Variants in PTPRA observed in about 807,000 individuals in gnomAD.
PTPRA encodes the protein receptor-type tyrosine-protein phosphatase alpha.
Under a neutral mutation model 104.8 loss-of-function variants are expected in PTPRA, and 25 were observed. The ratio of observed to expected loss-of-function variants is 0.24; its 90% CI spans 0.17 to 0.33. PTPRA has a LOEUF of 0.33. PTPRA is among the 10% of genes least tolerant of loss of function. PTPRA has a pLI of 1.00. For missense variants in PTPRA, 765 were observed against 1,015.3 expected, an observed-to-expected ratio of 0.75 and a Z score of 3.35; for synonymous variants, 323 against 368.9, an observed-to-expected ratio of 0.88 and a Z score of 1.43.
chr20:2,972,920 A>C (rs2062252387), intron 5 of PTPRA, among the ~76,000 whole-genome samples: 1 of 151,726 alleles, frequency 6.6e-6, no homozygotes, highest in African/African-American at 2.4e-5. Context: ...GGGTTTCGCC[A>C]TGTTGCCCAG....
At chr20:2,989,791 G>A (rs1255814040) in intron 9 of PTPRA, among the ~76,000 whole-genome samples, 2 of 152,186 alleles carry the variant, frequency 1.3e-5, no homozygotes, top group African/African-American at 4.8e-5. Context: ...GCCAAGGCGG[G>A]CGGATCACAA....
Position 3,017,759 on chromosome 20 carries a change from C to A in PTPRA, c.944-57C>A, listed in dbSNP as rs535881326. ...AGTCAGGAATGGATGTTCCCAGCCT[C>A]CCAGCATCTTTCTTCTTGGTGTATA... On this transcript the variant is annotated intron_variant, in intron 12 of 23. Transcript: ENST00000399903. 31 of 1,483,682 alleles carry A rather than the reference C, an allele frequency of 2.1e-5. No individual in the cohort carries two copies. The South Asian group carries it at 3.4e-4, about 16-fold the overall frequency. 91.9% of individuals were successfully genotyped at this position (1,483,682 alleles called of 1,614,324 possible). A position where few individuals can be genotyped will look rare whatever the true frequency, so the allele number is the denominator to read the frequency against.
intron 16 of PTPRA, among the ~76,000 whole-genome samples, chr20:3,023,683 C>T (rs1333200295): frequency 6.6e-6 from 1 of 152,222 alleles, no homozygotes; most frequent in Non-Finnish European, 1.5e-5. Context: ...AGTCCTGCCA[C>T]ATCCCCTTAG....
chr20:2,988,657 C>A (rs1568683737), intron 9 of PTPRA, among the ~76,000 whole-genome samples, 183 bp downstream of exon 9: 1 of 152,172 alleles, frequency 6.6e-6, no homozygotes, highest in East Asian at 1.9e-4. Flanking sequence ...TGAGATTTGC[C>A]TCACCTCCCT....
At chr20:3,021,271 G>A (rs372808667) in intron 13 of PTPRA, 38 bp from the exon 14 acceptor site, 20 of 1,612,670 alleles carry the variant, frequency 1.2e-5, no homozygotes, top group Admixed American at 1.7e-5. Flanking sequence ...ATGGGCAGGA[G>A]GTCTAAGGTC....
intron 19 of PTPRA, 44 bp downstream of exon 19, chr20:3,027,241 G>C: frequency 3.2e-6 from 5 of 1,574,566 alleles, no homozygotes; most frequent in Non-Finnish European, 4.4e-6. Context: ...ACCCCGTGGA[G>C]ATTCAGCCAG....
At chr20:2,940,312 C>T (rs2060862637) in intron 2 of PTPRA, among the ~76,000 whole-genome samples, 3 of 150,182 alleles carry the variant, frequency 2.0e-5, no homozygotes, top group South Asian at 4.2e-4. Context: ...ATCTTGTTTT[C>T]TTTTCTTTTC....
chr20:2,905,638 C>T (rs2059395580), intron 1 of PTPRA, among the ~76,000 whole-genome samples: 1 of 148,474 alleles, frequency 6.7e-6, no homozygotes, highest in African/African-American at 2.5e-5. Context: ...TACTGTCTTA[C>T]TAATTGTGGG....
rs561843 is a variant in PTPRA, at chr20:3,037,028, T to G, written c.2199-126T>G. The G allele has an allele frequency of 0.55, 731,807 of 1,335,336 alleles. 206,603 individuals are homozygous for G. The highest frequency in any genetic ancestry group is 0.92 in the East Asian group (39,026 of 42,500). The allele number at this position is 1,335,336 out of a possible 1,614,324, so 82.7% of individuals were successfully genotyped here. A position where few individuals can be genotyped will look rare whatever the true frequency, so the allele number is the denominator to read the frequency against. On this transcript the variant is annotated intron_variant, in intron 22 of 23. Coordinates refer to ENST00000399903, the MANE Select transcript of PTPRA (RefSeq NM_001385305.1). The surrounding 1 kb of genome is among the most constrained non-coding windows in gnomAD (Gnocchi z 4.3). ...CCGACCCAGAACCCCTCCAGGCTGG[T>G]GGGTCCACAGGGCAAAGGCGAGCAC... is the stretch of plus-strand genomic sequence containing the variant.
intron 13 of PTPRA, among the ~76,000 whole-genome samples, chr20:3,020,110 G>A (rs1293118739): frequency 6.6e-6 from 1 of 151,364 alleles, no homozygotes; most frequent in African/African-American, 2.4e-5. Context: ...AGGGAGAGCT[G>A]TTTTGTTTTG....
At chr20:2,993,492 G>A (rs1475881303) in intron 9 of PTPRA, among the ~76,000 whole-genome samples, 1 of 152,214 alleles carries the variant, frequency 6.6e-6, no homozygotes, top group Non-Finnish European at 1.5e-5. Flanking sequence ...AGGTCAAGAT[G>A]ATTTATCACT....
chr20:2,997,918 G>A (rs964854441), intron 9 of PTPRA, among the ~76,000 whole-genome samples: 2 of 152,200 alleles, frequency 1.3e-5, no homozygotes, highest in African/African-American at 4.8e-5. Context: ...TTGAGGCCAG[G>A]AGTTTAAGAC....
rs1220078811 is a variant in PTPRA, at chr20:2,873,621, G to GGCC, written c.-253_-251dup. The stretch of plus-strand genomic sequence containing the variant: ...CCGCTTCCCCTCGCCATGGAGGCGA[G>GGCC]GCCGCCGCCGCCGCCGCGGGGCTCG... On this transcript the variant is annotated 5_prime_UTR_variant, in exon 1 of 24. Transcript: ENST00000399903. This position sits in a 1 kb window ranked among gnomAD's most constrained non-coding sequence, Gnocchi z 4.4. The GGCC allele has an allele frequency of 6.0e-5, 9 of 150,598 alleles. No individual in the cohort carries two copies. Among genetic ancestry groups the GGCC allele is most frequent in the East Asian group, 2.0e-4 (1 of 5,100 alleles). The allele number at this position is 150,598 out of a possible 1,614,324, so 9.3% of individuals were successfully genotyped here. A position where few individuals can be genotyped will look rare whatever the true frequency, so the allele number is the denominator to read the frequency against.
intron 10 of PTPRA, among the ~76,000 whole-genome samples, chr20:3,005,804 A>G (rs1036231914): frequency 2.0e-5 from 3 of 152,208 alleles, no homozygotes; most frequent in African/African-American, 7.2e-5. Flanking sequence ...TCATTGAAAG[A>G]AATTCTAATG....
At chr20:2,979,514 A>G (rs34177904) in intron 6 of PTPRA, among the ~76,000 whole-genome samples, 1,957 of 152,178 alleles carry the variant, frequency 0.013, 24 homozygotes, top group South Asian at 0.041. Flanking sequence ...CAGTTCTCCT[A>G]TTTAGCCTTT....
chr20:2,969,552 C>T (rs1298917397), intron 5 of PTPRA, among the ~76,000 whole-genome samples: 2 of 150,128 alleles, frequency 1.3e-5, no homozygotes, highest in Non-Finnish European at 3.0e-5. Context: ...GCCTAGAATA[C>T]CTTTTAAAAA....
upstream of PTPRA, among the ~76,000 whole-genome samples, chr20:2,872,254 C>T (rs573122584): frequency 6.6e-6 from 1 of 152,284 alleles, no homozygotes; most frequent in East Asian, 1.9e-4. This position sits in a 1 kb window ranked among gnomAD's most constrained non-coding sequence, Gnocchi z 7.9. Flanking sequence ...GCCCCTTTTG[C>T]GCCGCAGTGT....
At chr20:2,982,799 C>T (rs140677053) in intron 6 of PTPRA, among the ~76,000 whole-genome samples, 6 of 151,962 alleles carry the variant, frequency 3.9e-5, no homozygotes, top group East Asian at 3.9e-4. Context: ...CAGGTTCAAG[C>T]GATTCTCCTG....
At chr20:3,034,858 G>A (rs1175826656) in intron 20 of PTPRA, among the ~76,000 whole-genome samples, 2 of 152,182 alleles carry the variant, frequency 1.3e-5, no homozygotes, top group Non-Finnish European at 2.9e-5. Flanking sequence ...GCATAACTGT[G>A]TGATGTTATA....
Sources: gnomAD v4.1 joint callset for allele counts (sites outside exome capture counted in the v4.1 genomes callset) on GRCh38, gnomAD v4.1.1 for gene constraint, Gnocchi (gnomAD v3.1) non-coding constraint, MANE v1.5 for transcripts, NCBI Gene and HGNC (gene_info 2026-07-23, HGNC 2026-07-21) for gene names.